The following COL18A1 variants were observed in gnomAD, a reference collection of about 807,000 sequenced individuals.
The protein encoded by COL18A1 is collagen alpha-1(XVIII) chain.
Under a neutral mutation model 168.0 loss-of-function variants are expected in COL18A1, and 133 were observed. The observed-to-expected ratio is 0.79, with a 90% CI of 0.69 to 0.91. The LOEUF is 0.91. COL18A1 is among the 40% of genes least tolerant of loss of function. The probability of loss-of-function intolerance (pLI) is 0.00; values close to 1 mark genes in which losing one functional copy is unlikely to be tolerated. For synonymous variants in COL18A1, 949 were observed against 809.0 expected, an observed-to-expected ratio of 1.17 and a Z score of -2.94; for missense variants, 2,126 against 1,925.4, an observed-to-expected ratio of 1.10 and a Z score of -1.95.
chr21:45,442,851 G>C (rs1315280238), intron 2 of COL18A1, among the ~76,000 whole-genome samples: 5 of 149,914 alleles, frequency 3.3e-5, no homozygotes, highest in African/African-American at 9.9e-5. Context: ...TGGTGTGGGC[G>C]GAGGTCCTGG....
chr21:45,454,971 A>G (rs1251609039), intron 2 of COL18A1, among the ~76,000 whole-genome samples: 1 of 152,198 alleles, frequency 6.6e-6, no homozygotes, highest in East Asian at 1.9e-4. Context: ...AGAGGGTCTG[A>G]GCCCCTCGAG....
Position 45,494,554 on chromosome 21 carries a change from G to A in COL18A1, c.2362G>A (p.Gly788Ser), listed in dbSNP as rs1375043700. The change falls in exon 27 of 42, where the codon GGC becomes AGC. Residue 788 changes from glycine (G) to serine (S), a missense_variant. Gly to Ser is a moderately conservative substitution (Grantham distance 56). Coordinates refer to ENST00000651438, the MANE Select transcript of COL18A1 (RefSeq NM_001379500.1). The part of the protein sequence containing the change: ...PAQKGAKGEP[G>S]FRGPPGPYGR... Reference sequence around the variant, plus strand: ...TTGTTTTTTTGCTCAGGGAGAGCCGGGCTTCCGAGGACCCCCGGTAAGTCG... The same window carrying A: ...TTGTTTTTTTGCTCAGGGAGAGCCGAGCTTCCGAGGACCCCCGGTAAGTCG... 2.5e-6 allele frequency: 4 copies of A among 1,613,324 alleles called. No homozygotes were observed. The highest frequency in any genetic ancestry group is 3.4e-6 in the Non-Finnish European group (4 of 1,179,988).
rs113729660 is a variant in COL18A1, at chr21:45,421,695, G to A, written c.106+16222G>A. On this transcript the variant is annotated intron_variant, in intron 2 of 41. Coordinates refer to ENST00000651438, the MANE Select transcript of COL18A1 (RefSeq NM_001379500.1). ...CTCACACTGTTTCAGGGTTGGCCGG[G>A]TACTTGCCGTGCCTGCCTGGCACAG... The A allele has an allele frequency of 2.5e-3, 1,146 of 456,094 alleles. 12 individuals are homozygous for A. Among genetic ancestry groups the A allele is most frequent in the African/African-American group, 0.02 (1,034 of 50,476 alleles). The allele number at this position is 456,094 out of a possible 1,614,324, so 28.3% of individuals were successfully genotyped here. A position where few individuals can be genotyped will look rare whatever the true frequency, so the allele number is the denominator to read the frequency against.
At position 45,498,056 on chromosome 21, in the gene COL18A1, G is replaced by A. The variant is rs779824842; in HGVS notation, c.2683+395G>A. ...ACTCTCCAGGGTTTCATGTGGGAAG[G>A]AGGCGTTGCCCGACAGGCCGTCTGG... On this transcript the variant is annotated intron_variant, in intron 32 of 41. Transcript: ENST00000651438. This position sits in a 1 kb window ranked among gnomAD's most constrained non-coding sequence, Gnocchi z 4.5. The A allele has an allele frequency of 1.6e-6, 1 of 607,106 alleles. No individual in the cohort carries two copies. Among genetic ancestry groups the A allele is most frequent in the Non-Finnish European group, 2.9e-6 (1 of 342,782 alleles). 37.6% of individuals were successfully genotyped at this position (607,106 alleles called of 1,614,324 possible).
intron 2 of COL18A1, among the ~76,000 whole-genome samples, chr21:45,416,368 G>A (rs2033444242): frequency 6.6e-6 from 1 of 152,076 alleles, no homozygotes; most frequent in Non-Finnish European, 1.5e-5. Flanking sequence ...GGGGTGGCCG[G>A]GGCACAGTCT....
chr21:45,470,880 A>G (rs2035397553), intron 3 of COL18A1, among the ~76,000 whole-genome samples: 1 of 151,922 alleles, frequency 6.6e-6, no homozygotes, highest in African/African-American at 2.4e-5. Flanking sequence ...AGAGAGCTGG[A>G]ACAGGAGGGA....
intron 2 of COL18A1, chr21:45,407,731 C>T (rs2033159603): frequency 6.6e-6 from 1 of 152,470 alleles, no homozygotes; most frequent in Non-Finnish European, 1.5e-5. Flanking sequence ...TCCACCATGG[C>T]ATCAAGCTCT....
intron 21 of COL18A1, 50 bp from the exon 22 acceptor site, chr21:45,491,175 T>C (rs774989000): frequency 1.3e-6 from 2 of 1,500,516 alleles, no homozygotes; most frequent in Non-Finnish European, 1.9e-6. Flanking sequence ...TCTGGGGTCC[T>C]GGCCAGAGCG....
At chr21:45,444,443 G>A (rs2034461836) in intron 2 of COL18A1, among the ~76,000 whole-genome samples, 1 of 152,172 alleles carries the variant, frequency 6.6e-6, no homozygotes, top group African/African-American at 2.4e-5. Context: ...CGTAGGGCTG[G>A]GGTCAGCTGG....
At position 45,453,942 on chromosome 21, in the gene COL18A1, T is replaced by C. The variant is rs189208237; in HGVS notation, c.107-14300T>C. ...AGAGCCTTCGGGATGGGGCTGGGGG[T>C]GTCCCCCACAACAGAGTTCCCTTCC... On this transcript the variant is annotated intron_variant, in intron 2 of 41. Transcript: ENST00000651438. Among the ~76,000 whole-genome samples the C allele has an allele frequency of 1.6e-3, 246 of 152,114 alleles. 1 individual carries two copies. Among genetic ancestry groups the C allele is most frequent in the African/African-American group, 5.7e-3 (237 of 41,492 alleles).
rs1209128807 is a variant in COL18A1 at position 45,425,585 on chromosome 21, G to A, written c.106+20112G>A. Among the ~76,000 whole-genome samples the A allele has an allele frequency of 6.6e-6, 1 of 152,102 alleles. No individual in the cohort carries two copies. Among genetic ancestry groups the A allele is most frequent in the East Asian group, 1.9e-4 (1 of 5,170 alleles). The stretch of plus-strand genomic sequence containing the variant: ...GGGCTGCCCTGTGAGGTGTGGAGCT[G>A]GGCTGCAGACTTGCACAAGGTGGGG... On this transcript the variant is annotated intron_variant, in intron 2 of 41. Transcript: ENST00000651438. The surrounding 1 kb of genome is among the most constrained non-coding windows in gnomAD (Gnocchi z 4.1).
At position 45,477,399 on chromosome 21, in the gene COL18A1, T is replaced by C; in HGVS notation, c.929-12T>C. The C allele has an allele frequency of 6.2e-7, 1 of 1,610,520 alleles. No homozygotes were observed. Among genetic ancestry groups the C allele is most frequent in the East Asian group, 2.2e-5 (1 of 44,674 alleles). ...GGGGCGTGACCGTGGCCACCTCTGC[T>C]TCTCTTCCCAGCTCAGACACTTCCT... On this transcript the variant is annotated splice_polypyrimidine_tract_variant and intron_variant, in intron 6 of 41. Transcript: ENST00000651438.
chr21:45,507,384 T>G (rs1283104500), intron 37 of COL18A1, 177 bp from the exon 38 acceptor site: 1 of 613,452 alleles, frequency 1.6e-6, no homozygotes, highest in African/African-American at 2.1e-5. Flanking sequence ...GGCCGGGTGC[T>G]GGGCAGGGAG....
At chr21:45,501,598 C>T (rs1399548314) in intron 32 of COL18A1, among the ~76,000 whole-genome samples, 4 of 152,160 alleles carry the variant, frequency 2.6e-5, no homozygotes, top group Admixed American at 1.3e-4. Flanking sequence ...AGCCCTCACA[C>T]TGCAGCCGCA....
intron 13 of COL18A1, among the ~76,000 whole-genome samples, chr21:45,481,066 G>A (rs200347794): frequency 2.6e-5 from 4 of 152,216 alleles, no homozygotes; most frequent in African/African-American, 9.6e-5. Context: ...ATGGTTCTAG[G>A]GGTGCTGACC....
At position 45,405,285 on chromosome 21, in the gene COL18A1, C is replaced by CGGCTGCGGG. The variant is rs1555966492; in HGVS notation, c.11+47_11+55dup. The stretch of plus-strand genomic sequence containing the variant: ...GCAGGGGTTGGGGGACGCCAAGATG[C>CGGCTGCGGG]GGCTGCGGGGGTCGCGGGGGTCGCG... On this transcript the variant is annotated intron_variant, in intron 1 of 41. Coordinates refer to ENST00000651438, the MANE Select transcript of COL18A1 (RefSeq NM_001379500.1). 799 of 283,464 alleles carry CGGCTGCGGG rather than the reference C, an allele frequency of 2.8e-3. 12 individuals carry two copies. The highest frequency in any genetic ancestry group is 3.3e-3 in the Non-Finnish European group (654 of 196,230). The allele number at this position is 283,464 out of a possible 1,614,324, so 17.6% of individuals were successfully genotyped here.
At chr21:45,424,251 TC>T (rs1649268826) in intron 2 of COL18A1, 2 of 152,256 alleles carry the variant, frequency 1.3e-5, no homozygotes, top group African/African-American at 4.8e-5. Context: ...AACCCAGGCT[TC>T]CTGTGCCTCT....
intron 36 of COL18A1, 118 bp downstream of exon 36, chr21:45,505,549 G>C: frequency 1.4e-6 from 1 of 709,926 alleles, no homozygotes; most frequent in African/African-American, 1.8e-5. Context: ...AGGAGGCCAA[G>C]ATGCGGTTTC....
chr21:45,448,972 C>T (rs1387352504), intron 2 of COL18A1, among the ~76,000 whole-genome samples: 1 of 152,228 alleles, frequency 6.6e-6, no homozygotes, highest in African/African-American at 2.4e-5. Context: ...TGTTTAGGTG[C>T]AGGCTTTGTG....
Sources: allele counts gnomAD v4.1 joint callset (sites outside exome capture counted in the v4.1 genomes callset), GRCh38; gene constraint gnomAD v4.1.1; non-coding constraint Gnocchi (gnomAD v3.1); transcripts MANE v1.5; gene names NCBI Gene and HGNC (gene_info 2026-07-23, HGNC 2026-07-21).